The following ANKH variants were observed in gnomAD, a reference collection of about 807,000 sequenced individuals.
ANKH encodes the protein ANKH inorganic pyrophosphate transport regulator, also known as mineralization regulator ANKH.
A neutral mutation model predicts 49.0 loss-of-function variants in ANKH; 15 were observed. The ratio of observed to expected loss-of-function variants is 0.31; its 90% confidence interval spans 0.20 to 0.47. ANKH has a LOEUF of 0.47. Ranked by LOEUF, ANKH falls within the 20% of genes least tolerant of loss-of-function variation. ANKH has a pLI of 1.00. For synonymous variants in ANKH, 273 were observed against 260.0 expected, an observed-to-expected ratio of 1.05 and a Z score of -0.48; for missense variants, 429 against 652.0, an observed-to-expected ratio of 0.66 and a Z score of 3.72.
chr5:14,750,067 T>C (rs1738662456), intron 5 of ANKH, among the ~76,000 whole-genome samples: 1 of 152,228 alleles, frequency 6.6e-6, no homozygotes, highest in Non-Finnish European at 1.5e-5. Flanking sequence ...GGCCTAGTGA[T>C]GGGATAACTA....
intron 8 of ANKH, among the ~76,000 whole-genome samples, chr5:14,720,099 T>C (rs970845320): frequency 1.1e-4 from 17 of 152,060 alleles, no homozygotes; most frequent in African/African-American, 4.1e-4. Context: ...CTATGTCATG[T>C]TGAAATATTA....
At position 14,706,329 on chromosome 5, in the gene ANKH, A is replaced by G. The variant is rs566401856; in HGVS notation, c.*4868T>C. ...GATTGCAAATGAAGCAGAGAAAAAC[A>G]TTATCACTAAAATGAAATATTTTAA... On this transcript the variant is annotated 3_prime_UTR_variant, in exon 12 of 12. Coordinates refer to ENST00000284268, the MANE Select transcript of ANKH (RefSeq NM_054027.6). 2 of 152,312 alleles carry G rather than the reference A, an allele frequency of 1.3e-5. No individual in the cohort carries two copies. Among genetic ancestry groups the G allele is most frequent in the East Asian group, 3.9e-4 (2 of 5,192 alleles). 9.4% of individuals were successfully genotyped at this position (152,312 alleles called of 1,614,324 possible). A position where few individuals can be genotyped will look rare whatever the true frequency, so the allele number is the denominator to read the frequency against.
chr5:14,854,437 T>C (rs1580119242), intron 1 of ANKH, among the ~76,000 whole-genome samples: 1 of 152,152 alleles, frequency 6.6e-6, no homozygotes, highest in African/African-American at 2.4e-5. Context: ...CCCAGCACTT[T>C]GGGTGGTCGA....
intron 1 of ANKH, among the ~76,000 whole-genome samples, chr5:14,856,148 G>C (rs1007061114): frequency 1.3e-5 from 2 of 151,708 alleles, no homozygotes; most frequent in African/African-American, 2.4e-5. Context: ...GGCAGAGCCC[G>C]ATCTCTACAA....
At position 14,705,478 on chromosome 5, in the gene ANKH, A is replaced by G. The variant is rs1320395407; in HGVS notation, c.*5719T>C. 6.6e-6 allele frequency: 1 copy of G among 152,228 alleles called. No homozygotes were observed. Among genetic ancestry groups the G allele is most frequent in the Non-Finnish European group, 1.5e-5 (1 of 68,040 alleles). The allele number at this position is 152,228 out of a possible 1,614,324, so 9.4% of individuals were successfully genotyped here. A position where few individuals can be genotyped will look rare whatever the true frequency, so the allele number is the denominator to read the frequency against. ...ACAGATGAGCAAGGTGAGGCCAAGA[A>G]GCGTGAGTGATATGGAAGCCTCCAG... is the stretch of plus-strand genomic sequence containing the variant. On this transcript the variant is annotated 3_prime_UTR_variant, in exon 12 of 12. Transcript: ENST00000284268.
chr5:14,728,126 GGAGGGAAGGCA>G (rs1223459581), intron 8 of ANKH, among the ~76,000 whole-genome samples: 2 of 152,246 alleles, frequency 1.3e-5, no homozygotes, highest in Non-Finnish European at 2.9e-5. Flanking sequence ...AGAGAAGTGC[GGAGGGAAGGCA>G]GAGGGAAGGA....
intron 1 of ANKH, among the ~76,000 whole-genome samples, chr5:14,776,848 T>A (rs1470528958): frequency 6.6e-6 from 1 of 152,198 alleles, no homozygotes; most frequent in African/African-American, 2.4e-5. Context: ...GAGCCAGATT[T>A]AACAGCACTC....
chr5:14,813,483 C>CA (rs371081857), intron 1 of ANKH, among the ~76,000 whole-genome samples: 2,590 of 143,680 alleles, frequency 0.018, 80 homozygotes, highest in African/African-American at 0.061. Flanking sequence ...AGAAGAGTCA[C>CA]AAAAAAAAAA....
chr5:14,710,564 C>G lies in ANKH; in HGVS notation c.*633G>C, dbSNP rs1448673031. ...AAACCAAACCTTTCTACGGGAGATT[C>G]TGTCCATCTGTCAGCCTGCTGTGGT... On this transcript the variant is annotated 3_prime_UTR_variant, in exon 12 of 12. Coordinates refer to ENST00000284268, the MANE Select transcript of ANKH (RefSeq NM_054027.6). 1.3e-5 allele frequency: 2 copies of G among 156,140 alleles called. No individual in the cohort carries two copies. The highest frequency in any genetic ancestry group is 4.8e-5 in the African/African-American group (2 of 41,464). The allele number at this position is 156,140 out of a possible 1,614,324, so 9.7% of individuals were successfully genotyped here.
At chr5:14,747,587 A>G (rs926465380) in intron 6 of ANKH, among the ~76,000 whole-genome samples, 1 of 152,162 alleles carries the variant, frequency 6.6e-6, no homozygotes, top group African/African-American at 2.4e-5. Context: ...ATAAAATGAC[A>G]GTTTCTTCCC....
intron 1 of ANKH, among the ~76,000 whole-genome samples, chr5:14,845,665 C>T (rs150737316): frequency 1.4e-3 from 220 of 152,074 alleles, no homozygotes; most frequent in African/African-American, 3.3e-3. Flanking sequence ...GGGTGCTAGG[C>T]GGTGCCTAAT....
At chr5:14,791,023 G>A (rs1740148547) in intron 1 of ANKH, among the ~76,000 whole-genome samples, 1 of 152,322 alleles carries the variant, frequency 6.6e-6, no homozygotes, top group Non-Finnish European at 1.5e-5. Context: ...AAGGTAGAGA[G>A]TCTCAGCTCT....
chr5:14,745,798 A>T lies in ANKH; in HGVS notation c.915+72T>A. ...ACTGAGAAGCAACAAAGTGTCCCTC[A>T]TCAGAGAGCCCTGTCTATCAAGAAG... On this transcript the variant is annotated intron_variant, in intron 7 of 11. Coordinates refer to ENST00000284268, the MANE Select transcript of ANKH (RefSeq NM_054027.6). This position sits in a 1 kb window ranked among gnomAD's most constrained non-coding sequence, Gnocchi z 4.7. 1 of 1,356,472 alleles carries T rather than the reference A, an allele frequency of 7.4e-7. No homozygotes were observed. The highest frequency in any genetic ancestry group is 1.1e-6 in the Non-Finnish European group (1 of 946,968). The allele number at this position is 1,356,472 out of a possible 1,614,324, so 84.0% of individuals were successfully genotyped here. A position where few individuals can be genotyped will look rare whatever the true frequency, so the allele number is the denominator to read the frequency against.
chr5:14,764,274 G>A (rs1185607184), intron 2 of ANKH, among the ~76,000 whole-genome samples: 1 of 152,086 alleles, frequency 6.6e-6, no homozygotes, highest in African/African-American at 2.4e-5. Flanking sequence ...GTAGTGTGCG[G>A]TGGGAGTGAT....
intron 1 of ANKH, among the ~76,000 whole-genome samples, chr5:14,795,126 C>G (rs549990416): frequency 6.6e-6 from 1 of 152,242 alleles, no homozygotes; most frequent in South Asian, 2.1e-4. Context: ...AGAAGCTGAT[C>G]CTTCAAGTGT....
rs1283788199 is a variant in ANKH, at chr5:14,710,474, C to T, written c.*723G>A. 2.0e-5 allele frequency: 3 copies of T among 153,312 alleles called. No homozygotes were observed. Among genetic ancestry groups the T allele is most frequent in the African/African-American group, 7.2e-5 (3 of 41,448 alleles). The allele number at this position is 153,312 out of a possible 1,614,324, so 9.5% of individuals were successfully genotyped here. On this transcript the variant is annotated 3_prime_UTR_variant, in exon 12 of 12. Coordinates refer to ENST00000284268, the MANE Select transcript of ANKH (RefSeq NM_054027.6). The stretch of plus-strand genomic sequence containing the variant: ...GTGAGAACTGACAGCTTGCTCAGAT[C>T]TAGGAGAACGCAGAGTGAAATGCTA...
At chr5:14,734,259 C>G (rs1374490619) in intron 8 of ANKH, among the ~76,000 whole-genome samples, 1 of 151,676 alleles carries the variant, frequency 6.6e-6, no homozygotes, top group East Asian at 1.9e-4. Flanking sequence ...CACTCACCCC[C>G]GTCACTCTCT....
chr5:14,770,719 C>T lies in ANKH; in HGVS notation c.97-1528G>A, dbSNP rs1739405214. On this transcript the variant is annotated intron_variant, in intron 1 of 11. Coordinates refer to ENST00000284268, the MANE Select transcript of ANKH (RefSeq NM_054027.6). The surrounding 1 kb of genome is among the most constrained non-coding windows in gnomAD (Gnocchi z 4.1). ...CCATTTAATATTTCTGAACCTTGGTCAACCATGGGTAACTGTAACCATGGA... is the reference window on the plus strand; with the variant it reads ...CCATTTAATATTTCTGAACCTTGGTTAACCATGGGTAACTGTAACCATGGA... Among the ~76,000 whole-genome samples the T allele has an allele frequency of 6.6e-6, 1 of 152,126 alleles. No homozygotes were observed. Among genetic ancestry groups the T allele is most frequent in the South Asian group, 2.1e-4 (1 of 4,824 alleles).
intron 8 of ANKH, among the ~76,000 whole-genome samples, chr5:14,729,055 C>CT (rs962115573): frequency 1.3e-4 from 20 of 151,708 alleles, no homozygotes; most frequent in Admixed American, 4.6e-4. Context: ...GGAAAAAAGC[C>CT]TTTTTTTTCT....
Sources: allele counts gnomAD v4.1 joint callset (sites outside exome capture counted in the v4.1 genomes callset), GRCh38; gene constraint gnomAD v4.1.1; non-coding constraint Gnocchi (gnomAD v3.1); transcripts MANE v1.5; gene names NCBI Gene and HGNC (gene_info 2026-07-23, HGNC 2026-07-21).